Variants in ZC4H2 observed in about 807,000 individuals in gnomAD.
The protein encoded by ZC4H2 is zinc finger C4H2-type containing, also known as zinc finger C4H2 domain-containing protein.
For missense variants in ZC4H2, 137 were observed against 173.9 expected (o/e 0.79, Z 1.19); for synonymous variants, 84 against 66.3 (o/e 1.27, Z -1.30).
At chrX:64,927,022 G>A (rs772733082) in intron 1 of ZC4H2, among the ~76,000 whole-genome samples, 4 of 111,844 alleles carry the variant, frequency 3.6e-5, no homozygotes, top group African/African-American at 9.8e-5. Context: ...CCGCAGACAT[G>A]TGGCTGAAAA....
At chrX:64,933,960 A>G (rs7890026) in intron 1 of ZC4H2, among the ~76,000 whole-genome samples, 52 of 111,256 alleles carry the variant, frequency 4.7e-4, no homozygotes, top group African/African-American at 1.6e-3. Flanking sequence ...TCTCAATGAG[A>G]TGTGCTGAGG....
At chrX:64,957,873 A>T (rs1241647863) in intron 1 of ZC4H2, among the ~76,000 whole-genome samples, 2 of 110,378 alleles carry the variant, frequency 1.8e-5, no homozygotes, top group Non-Finnish European at 3.8e-5. Context: ...AAAATAAAAA[A>T]AAATAAAAAT....
chrX:64,988,660 C>G (rs1932244711), intron 1 of ZC4H2, among the ~76,000 whole-genome samples: 1 of 110,490 alleles, frequency 9.1e-6, no homozygotes, highest in Admixed American at 9.6e-5. Flanking sequence ...AATTTTCTCC[C>G]ATTCTGTAGG....
chrX:65,013,372 A>G (rs1368899800), intron 1 of ZC4H2, among the ~76,000 whole-genome samples: 1 of 111,606 alleles, frequency 9.0e-6, no homozygotes, highest in Non-Finnish European at 1.9e-5. Context: ...ATCCCCTCCT[A>G]TTAGGGGCAG....
At chrX:64,973,597 T>C (rs1931850726) in intron 1 of ZC4H2, among the ~76,000 whole-genome samples, 1 of 110,871 alleles carries the variant, frequency 9.0e-6, no homozygotes, top group African/African-American at 3.3e-5. Context: ...AAAGAGAAAG[T>C]CTACTGCATT....
At chrX:64,951,940 C>T (rs1010647533) in intron 1 of ZC4H2, among the ~76,000 whole-genome samples, 3 of 111,466 alleles carry the variant, frequency 2.7e-5, no homozygotes, top group Non-Finnish European at 3.8e-5. Context: ...TTAGGTCTAA[C>T]GTTTAAGTCT....
intron 1 of ZC4H2, among the ~76,000 whole-genome samples, chrX:64,927,872 A>G (rs1929500922): frequency 8.9e-6 from 1 of 112,503 alleles, no homozygotes; most frequent in Admixed American, 9.4e-5. Context: ...GATTTCTCTA[A>G]TGACCAGTGA....
chrX:64,954,328 ATATATATATAAT>A (rs1299898188), intron 1 of ZC4H2, among the ~76,000 whole-genome samples: 1 of 78,468 alleles, frequency 1.3e-5, no homozygotes, highest in Admixed American at 1.6e-4. Context: ...TTATATATAT[ATATATATATAAT>A]TATATATATA....
intron 1 of ZC4H2, among the ~76,000 whole-genome samples, chrX:65,005,640 T>C (rs1347569863): frequency 1.8e-5 from 2 of 111,382 alleles, no homozygotes; most frequent in African/African-American, 3.3e-5. Flanking sequence ...ATTCAGGACA[T>C]AGGCACGGGC....
intron 1 of ZC4H2, among the ~76,000 whole-genome samples, chrX:64,957,157 A>G (rs1931191686): frequency 8.9e-6 from 1 of 112,504 alleles, no homozygotes; most frequent in Non-Finnish European, 1.9e-5. Context: ...GCCATAGTTC[A>G]ACCACTCATA....
chrX:64,947,301 T>C (rs1310476466), intron 1 of ZC4H2, among the ~76,000 whole-genome samples: 1 of 111,916 alleles, frequency 8.9e-6, no homozygotes, highest in Non-Finnish European at 1.9e-5. Flanking sequence ...TTGCAAAGAA[T>C]GTGTATCCTG....
intron 1 of ZC4H2, among the ~76,000 whole-genome samples, chrX:64,945,176 T>C (rs1487360109): frequency 2.7e-5 from 3 of 112,899 alleles, no homozygotes; most frequent in Non-Finnish European, 5.6e-5. Context: ...TTTTGGAATT[T>C]TCATCTTTTT....
chrX:64,920,590 T>C (rs774053385), intron 2 of ZC4H2, among the ~76,000 whole-genome samples: 1 of 112,484 alleles, frequency 8.9e-6, no homozygotes, highest in Non-Finnish European at 1.9e-5. Context: ...TCAGAGCTCA[T>C]TTAGTCCACC....
intron 1 of ZC4H2, among the ~76,000 whole-genome samples, chrX:64,951,354 T>C (rs1396086244): frequency 8.9e-6 from 1 of 111,875 alleles, no homozygotes; most frequent in East Asian, 2.8e-4. Context: ...TTTCTAGTTC[T>C]AGATCCCTGA....
At chrX:64,938,172 C>G (rs1930101598) in intron 1 of ZC4H2, among the ~76,000 whole-genome samples, 1 of 111,931 alleles carries the variant, frequency 8.9e-6, no homozygotes, top group Non-Finnish European at 1.9e-5. Flanking sequence ...TGCAAATAAA[C>G]TAGAAAATCT....
intron 1 of ZC4H2, among the ~76,000 whole-genome samples, chrX:65,009,787 T>G (rs1338858581): frequency 9.0e-6 from 1 of 111,650 alleles, no homozygotes; most frequent in Non-Finnish European, 1.9e-5. Flanking sequence ...AACATAAATG[T>G]GATGTTTATG....
chrX:64,916,422 A>T lies in ZC4H2; in HGVS notation c.*1361T>A, dbSNP rs756875349. On this transcript the variant is annotated 3_prime_UTR_variant, in exon 5 of 5. Transcript: ENST00000374839. ...TTTTGTATTATCCAATACACAGTAG[A>T]TACTCAGAATTTACTCCAATGAATG... The T allele has an allele frequency of 8.9e-6, 1 of 112,135 alleles. No individual in the cohort carries two copies. The highest frequency in any genetic ancestry group is 1.9e-5 in the Non-Finnish European group (1 of 53,254). 9.2% of individuals were successfully genotyped at this position (112,135 alleles called of 1,213,427 possible).
chrX:64,917,755 A>G lies in ZC4H2; in HGVS notation c.*28T>C. On this transcript the variant is annotated 3_prime_UTR_variant, in exon 5 of 5. Coordinates refer to ENST00000374839, the MANE Select transcript of ZC4H2 (RefSeq NM_018684.4). The stretch of plus-strand genomic sequence containing the variant: ...CTGGTCAAGGTGAGGGGTTATAATT[A>G]GCAAAGCTTCATGTGCTCTCCCTTT... 6 of 1,201,616 alleles carry G rather than the reference A, an allele frequency of 5.0e-6. No individual in the cohort carries two copies. Among genetic ancestry groups the G allele is most frequent in the Non-Finnish European group, 6.7e-6 (6 of 890,066 alleles).
At chrX:64,934,857 G>A (rs1258434566) in intron 1 of ZC4H2, among the ~76,000 whole-genome samples, 3 of 111,692 alleles carry the variant, frequency 2.7e-5, no homozygotes, top group African/African-American at 3.3e-5. Flanking sequence ...ATCCCCTTCG[G>A]TGCCTACACC....
Sources: gnomAD v4.1 joint callset for allele counts (sites outside exome capture counted in the v4.1 genomes callset) on GRCh38, gnomAD v4.1.1 for gene constraint, MANE v1.5 for transcripts, NCBI Gene and HGNC (gene_info 2026-07-23, HGNC 2026-07-21) for gene names.